Variants in DYNC2H1 observed in about 807,000 individuals in gnomAD.
The protein encoded by DYNC2H1 is dynein cytoplasmic 2 heavy chain 1, also known as cytoplasmic dynein 2 heavy chain 1.
Under a neutral mutation model 570.0 loss-of-function variants are expected in DYNC2H1, and 410 were observed. The ratio of observed to expected loss-of-function variants is 0.72; its 90% CI spans 0.66 to 0.78. The LOEUF (loss-of-function observed/expected upper bound fraction) is 0.78. DYNC2H1 is among the 30% of genes least tolerant of loss of function. The pLI, the probability that DYNC2H1 is intolerant of heterozygous loss-of-function variation, is 0.00. For missense variants in DYNC2H1, 4,865 were observed against 5,046.4 expected, an observed-to-expected ratio of 0.96 and a Z score of 1.09; for synonymous variants, 1,688 against 1,677.6, an observed-to-expected ratio of 1.01 and a Z score of -0.15.
chr11:103,358,371 A>T lies in DYNC2H1; in HGVS notation c.12156+12A>T. On this transcript the variant is annotated intron_variant, in intron 83 of 88. Transcript: ENST00000375735. The stretch of plus-strand genomic sequence containing the variant: ...AGAAACTAAACCAGGTTAGTAGTGG[A>T]ATATTCTTCTGATTCTTTTGCTTTT... 1 of 1,521,828 alleles carries T rather than the reference A, an allele frequency of 6.6e-7. No individual in the cohort carries two copies. 94.3% of individuals were successfully genotyped at this position (1,521,828 alleles called of 1,614,324 possible). A position where few individuals can be genotyped will look rare whatever the true frequency, so the allele number is the denominator to read the frequency against.
rs565411633 is a variant in DYNC2H1, at chr11:103,142,200, G to A, written c.2575-1068G>A. Among the ~76,000 whole-genome samples, 392 of 152,336 alleles carry A rather than the reference G, an allele frequency of 2.6e-3. 3 individuals carry two copies. The highest frequency in any genetic ancestry group is 2.7e-3 in the African/African-American group (112 of 41,590). On this transcript the variant is annotated intron_variant, in intron 17 of 88. Coordinates refer to ENST00000375735, the MANE Select transcript of DYNC2H1 (RefSeq NM_001377.3). Reference sequence around the variant, plus strand: ...CCTCGCCCTGCTTCGGCTCACGCACGATGCGCTGCACCCACTGTCCTGTGC... The same window carrying A: ...CCTCGCCCTGCTTCGGCTCACGCACAATGCGCTGCACCCACTGTCCTGTGC...
rs960752489 is a variant in DYNC2H1, at chr11:103,373,567, T to C, written c.12156+15208T>C. Among the ~76,000 whole-genome samples, 4 of 152,244 alleles carry C rather than the reference T, an allele frequency of 2.6e-5. 1 individual carries two copies. Among genetic ancestry groups the C allele is most frequent in the South Asian group, 4.1e-4 (2 of 4,830 alleles). The stretch of plus-strand genomic sequence containing the variant: ...TTGTGGCCATACAAGTTACTTGATA[T>C]GATCTCTCTCTTCCTAAATCTCTTA... On this transcript the variant is annotated intron_variant, in intron 83 of 88. Coordinates refer to ENST00000375735, the MANE Select transcript of DYNC2H1 (RefSeq NM_001377.3).
In DYNC2H1 at chr11:103,253,327, A is replaced by G. The variant is rs1401868900; in HGVS notation, c.10085A>G (p.Tyr3362Cys). ...CAAATAGGTGACAAAATTATTGACT[A>G]CAATGAAGAATTCCGCCTCTTTTTG... is the stretch of plus-strand genomic sequence containing the variant. ...VVQIGDKIID[Y>C]NEEFRLFLST... Residue 3362 changes from tyrosine (Y) to cysteine (C), a missense_variant, in exon 66 of 89, where the codon TAC (tyrosine) becomes TGC (cysteine). Tyr to Cys is a radical substitution (Grantham distance 194). Around this residue, in one of 5 missense-constraint regions of DYNC2H1, gnomAD observed 2,401 missense variants for 2,454.6 expected, o/e 0.98. Coordinates refer to ENST00000375735, the MANE Select transcript of DYNC2H1 (RefSeq NM_001377.3). The G allele has an allele frequency of 6.2e-7, 1 of 1,613,392 alleles. No homozygotes were observed. Among genetic ancestry groups the G allele is most frequent in the Non-Finnish European group, 8.5e-7 (1 of 1,179,514 alleles).
rs1938024416 is a variant in DYNC2H1, at chr11:103,319,055, T to A, written c.11726-1974T>A. ...TTCCAAAATGCTTTTGAATATTTAT[T>A]TGACTTTTATAATACCACTATGAGG... On this transcript the variant is annotated intron_variant, in intron 80 of 88. Transcript: ENST00000375735. The surrounding 1 kb of genome is among the most constrained non-coding windows in gnomAD (Gnocchi z 4.3). Among the ~76,000 whole-genome samples, 1 of 152,166 alleles carries A rather than the reference T, an allele frequency of 6.6e-6. No homozygotes were observed. Among genetic ancestry groups the A allele is most frequent in the South Asian group, 2.1e-4 (1 of 4,832 alleles).
intron 84 of DYNC2H1, among the ~76,000 whole-genome samples, chr11:103,414,347 G>A (rs565584235): frequency 1.7e-4 from 26 of 152,230 alleles, no homozygotes; most frequent in Non-Finnish European, 2.9e-4. Context: ...ACTGCTGGGC[G>A]CAGTGGCTCA....
rs1384124873 is a variant in DYNC2H1, at chr11:103,139,051, G to C, written c.2574+3103G>C. Among the ~76,000 whole-genome samples, 12 of 150,426 alleles carry C rather than the reference G, an allele frequency of 8.0e-5. No homozygotes were observed. In the East Asian group the frequency reaches 2.1e-3, roughly 27 times the overall value. On this transcript the variant is annotated intron_variant, in intron 17 of 88. Transcript: ENST00000375735. Reference sequence around the variant, plus strand: ...GGTAGTTTGTATTTCTGTGGGATCGGTGGTGATATCCCCTTTATCATTTTT... The same window carrying C: ...GGTAGTTTGTATTTCTGTGGGATCGCTGGTGATATCCCCTTTATCATTTTT...
chr11:103,175,285 T>C (rs1304820048), intron 36 of DYNC2H1, among the ~76,000 whole-genome samples: 1 of 152,218 alleles, frequency 6.6e-6, no homozygotes, highest in Non-Finnish European at 1.5e-5. Flanking sequence ...AAAGTGTGTC[T>C]CTTAAAAATG....
rs1019904184 is a variant in DYNC2H1, at chr11:103,152,282, C to T, written c.3093C>T (p.Asp1031=). Residue 1031 remains aspartate, a synonymous_variant, in exon 21 of 89, where the codon GAC becomes GAT. Coordinates refer to ENST00000375735, the MANE Select transcript of DYNC2H1 (RefSeq NM_001377.3). ...MMESHQLMIK[D]QIEVMKGNVK... is the part of the protein sequence containing the mutation. ...AAAGTCACCAACTTATGATTAAAGA[C>T]CAGGTTAGAATCTTTTAATTATTTA... The T allele has an allele frequency of 6.3e-7, 1 of 1,594,550 alleles. No individual in the cohort carries two copies. Among genetic ancestry groups the T allele is most frequent in the African/African-American group, 1.4e-5 (1 of 73,742 alleles).
At chr11:103,413,777 G>T (rs534054497) in intron 84 of DYNC2H1, among the ~76,000 whole-genome samples, 1 of 152,054 alleles carries the variant, frequency 6.6e-6, no homozygotes, top group South Asian at 2.1e-4. Context: ...AATTTTTATT[G>T]ATTTAAGGGA....
At chr11:103,276,457 G>A (rs1865909860) in intron 70 of DYNC2H1, among the ~76,000 whole-genome samples, 1 of 151,918 alleles carries the variant, frequency 6.6e-6, no homozygotes, top group Admixed American at 6.6e-5. Context: ...AAACTTGGTA[G>A]GAAGGTTTGT....
In DYNC2H1 at chr11:103,435,986, C is replaced by T. The variant is rs761765709; in HGVS notation, c.12410C>T (p.Pro4137Leu). ...AGCAAGTGGGAAGGCCCAGAAGATC[C>T]CTTACAATACCTGAGAGGTCTTGTT... is the stretch of plus-strand genomic sequence containing the variant. ...WQSKWEGPED[P>L]LQYLRGLVAR... The change falls in exon 85 of 89, where the codon CCC (proline) becomes CTC (leucine). Residue 4137 changes from proline (P) to leucine (L), a missense_variant. Pro to Leu is a moderately conservative substitution (Grantham distance 98). Transcript: ENST00000375735. 5.0e-6 allele frequency: 8 copies of T among 1,612,468 alleles called. No homozygotes were observed. In the Admixed American group the frequency reaches 1.3e-4, roughly 27 times the overall value.
At chr11:103,308,907 A>T (rs907062352) in intron 78 of DYNC2H1, among the ~76,000 whole-genome samples, 2 of 152,012 alleles carry the variant, frequency 1.3e-5, no homozygotes, top group African/African-American at 4.8e-5. Flanking sequence ...GTATCTTATC[A>T]GATGTATGGT....
intron 83 of DYNC2H1, among the ~76,000 whole-genome samples, chr11:103,390,862 A>G (rs1437394581): frequency 3.3e-5 from 5 of 152,162 alleles, no homozygotes; most frequent in Admixed American, 1.3e-4. Context: ...CTGCCAAGAG[A>G]TCAGCTGTTA....
rs7949814 is a variant in DYNC2H1 at position 103,305,888 on chromosome 11, T to G, written c.11382+1168T>G. ...TACTAATGTGTAAAAATATAAAATT[T>G]ATGTCTGATAAATCATATATGTTTT... On this transcript the variant is annotated intron_variant, in intron 77 of 88. Transcript: ENST00000375735. The surrounding 1 kb of genome is among the most constrained non-coding windows in gnomAD (Gnocchi z 4.3). Among the ~76,000 whole-genome samples, 7,851 of 152,290 alleles carry G rather than the reference T, an allele frequency of 0.052. 258 individuals carry two copies. The highest frequency in any genetic ancestry group is 0.075 in the Non-Finnish European group (5,109 of 68,010).
intron 87 of DYNC2H1, among the ~76,000 whole-genome samples, chr11:103,467,712 C>G (rs1565625585): frequency 6.6e-6 from 1 of 151,962 alleles, no homozygotes; most frequent in East Asian, 1.9e-4. Flanking sequence ...TAATTTTTTG[C>G]ATTTTTAGTA....
intron 82 of DYNC2H1, among the ~76,000 whole-genome samples, chr11:103,338,783 G>A (rs936566145): frequency 2.6e-5 from 4 of 152,076 alleles, no homozygotes. Flanking sequence ...TCCTGTCTGA[G>A]GTCACATGTC....
intron 65 of DYNC2H1, 143 bp from the exon 66 acceptor site, chr11:103,253,142 G>T: frequency 1.6e-6 from 1 of 636,314 alleles, no homozygotes; most frequent in Non-Finnish European, 2.6e-6. Context: ...TCTGCTAATA[G>T]TATCTCAGGT....
intron 82 of DYNC2H1, among the ~76,000 whole-genome samples, chr11:103,338,244 T>G (rs1188409598): frequency 1.3e-5 from 2 of 152,208 alleles, no homozygotes; most frequent in Non-Finnish European, 2.9e-5. Context: ...TCTGTTTTTA[T>G]GCCCCTACCA....
chr11:103,184,934 G>A lies in DYNC2H1; in HGVS notation c.6516G>A (p.Val2172=), dbSNP rs373171639. Residue 2172 remains valine (V), a synonymous_variant, in exon 41 of 89, where the codon GTG becomes GTA. Transcript: ENST00000375735. ...YVVETSLVGT[V]MNGLSHLHGC... ...TAGAAACAAGTTTGGTTGGGACTGTGATGAATGGTTTGTCACATCTACATG... is the reference window on the plus strand; with the variant it reads ...TAGAAACAAGTTTGGTTGGGACTGTAATGAATGGTTTGTCACATCTACATG... 2.5e-6 allele frequency: 4 copies of A among 1,610,990 alleles called. No homozygotes were observed. The Admixed American group carries it at 6.7e-5, about 27-fold the overall frequency.
Sources: gnomAD v4.1 joint callset for allele counts (sites outside exome capture counted in the v4.1 genomes callset) on GRCh38, gnomAD v4.1.1 for gene constraint, gnomAD v4.1.1 regional missense constraint, Gnocchi (gnomAD v3.1) non-coding constraint, MANE v1.5 for transcripts, NCBI Gene and HGNC (gene_info 2026-07-23, HGNC 2026-07-21) for gene names.